Variants in CCDC88A observed in about 807,000 individuals in gnomAD.
CCDC88A encodes the protein coiled-coil and HOOK domain protein 88A, also known as girdin.
CCDC88A carries 54 observed loss-of-function variants against 234.3 expected under a neutral mutation model. The observed-to-expected ratio is 0.23, with a 90% CI of 0.19 to 0.29. CCDC88A has a LOEUF of 0.29. CCDC88A is among the 10% of genes least tolerant of loss of function. CCDC88A has a pLI of 1.00. For missense variants in CCDC88A, 1,832 were observed against 2,123.4 expected (o/e 0.86, Z 2.70); for synonymous variants, 753 against 737.8 (o/e 1.02, Z -0.33).
Position 55,299,861 on chromosome 2 carries a change from A to T in CCDC88A, c.4803T>A (p.Asn1601Lys). The T allele has an allele frequency of 6.2e-7, 1 of 1,612,856 alleles. No individual in the cohort carries two copies. Among genetic ancestry groups the T allele is most frequent in the East Asian group, 2.2e-5 (1 of 44,824 alleles). ...GRTSTSNSNN[N>K]ASLHEVKAGA... ...TACCTTTGACTTCATGTAGTGAAGC[A>T]TTATTATTGCTATTGCTAGTGGATG... The change falls in exon 29 of 33, where the codon AAT (asparagine) becomes AAA (lysine). Residue 1601 changes from asparagine to lysine, a missense_variant. By Grantham distance (94) the Asn-to-Lys change is moderately conservative. Coordinates refer to ENST00000436346, the MANE Select transcript of CCDC88A (RefSeq NM_001365480.1).
chr2:55,298,108 A>C (rs543134645), intron 29 of CCDC88A, among the ~76,000 whole-genome samples: 1 of 152,276 alleles, frequency 6.6e-6, no homozygotes, highest in East Asian at 1.9e-4. Flanking sequence ...AACTCCCTCA[A>C]ATCTATGGTG....
At chr2:55,347,730 G>T (rs913650025) in intron 9 of CCDC88A, among the ~76,000 whole-genome samples, 1 of 146,916 alleles carries the variant, frequency 6.8e-6, no homozygotes, top group Non-Finnish European at 1.5e-5. Context: ...TTGTGCCTCC[G>T]CCTCCCAAGT....
At chr2:55,418,522 C>A in intron 2 of CCDC88A, 1 of 350,504 alleles carries the variant, frequency 2.9e-6, no homozygotes, top group East Asian at 4.5e-5. Flanking sequence ...TCTTATTTTA[C>A]CAAATTATCA....
rs1680945078 is a variant in CCDC88A, at chr2:55,301,932, T to G, written c.4612A>C (p.Asn1538His). 1 of 1,614,080 alleles carries G rather than the reference T, an allele frequency of 6.2e-7. No individual in the cohort carries two copies. The stretch of plus-strand genomic sequence containing the variant: ...GCAGAAGAGTTGACAGTTGAAAAGT[T>G]GATGGCTGTAGTAGAGAAGGCCATA... ...GAMAFSTTAI[N>H]FSTVNSSAGF... Residue 1538 changes from asparagine to histidine, a missense_variant, in exon 27 of 33, where the codon AAC (asparagine) becomes CAC (histidine). By Grantham distance (68) the Asn-to-His change is moderately conservative. This residue lies in a region of CCDC88A where 422 missense variants were observed against 416.5 expected (regional missense o/e 1.01). Transcript: ENST00000436346.
chr2:55,381,368 C>A (rs944560304), intron 3 of CCDC88A, among the ~76,000 whole-genome samples: 1 of 151,782 alleles, frequency 6.6e-6, no homozygotes, highest in Non-Finnish European at 1.5e-5. Flanking sequence ...GGCAACATGG[C>A]AAAACCCTGT....
Position 55,303,088 on chromosome 2 carries a change from G to A in CCDC88A, c.4452C>T (p.Ala1484=). The A allele has an allele frequency of 6.4e-7, 1 of 1,550,678 alleles. No individual in the cohort carries two copies. The part of the protein sequence containing the change: ...NRPKDKDKMK[A]CYRRSMSMND... The stretch of plus-strand genomic sequence containing the variant: ...TCTTACACATGGAACGACGGTAGCA[G>A]GCCTTCATTTTGTCTTTATCCTTCG... The change falls in exon 26 of 33, where the codon GCC becomes GCT. Residue 1484 remains alanine (A), a synonymous_variant. Coordinates refer to ENST00000436346, the MANE Select transcript of CCDC88A (RefSeq NM_001365480.1).
At position 55,351,356 on chromosome 2, in the gene CCDC88A, T is replaced by C. The variant is rs541657127; in HGVS notation, c.801-1757A>G. On this transcript the variant is annotated intron_variant, in intron 8 of 32. Transcript: ENST00000436346. ...TAGAATTTTTTTCAGGTTTTTTTTT[T>C]CCTCCATTTGAGACAGAGTCTGACT... 6.6e-5 allele frequency among the ~76,000 whole-genome samples: 10 copies of C among 151,998 alleles called. No homozygotes were observed. The South Asian group carries it at 8.3e-4, about 13-fold the overall frequency.
chr2:55,334,950 C>G lies in CCDC88A; in HGVS notation c.1871G>C (p.Gly624Ala), dbSNP rs776770353. The G allele has an allele frequency of 4.9e-5, 77 of 1,565,220 alleles. No homozygotes were observed. The East Asian group carries it at 1.7e-3, about 34-fold the overall frequency. Residue 624 changes from glycine to alanine, a missense_variant, in exon 15 of 33, where the codon GGA (glycine) becomes GCA (alanine). By Grantham distance (60) the Gly-to-Ala change is moderately conservative. Around this residue, in one of 6 missense-constraint regions of CCDC88A, gnomAD observed 1,282 missense variants for 1,543.6 expected, o/e 0.83. Coordinates refer to ENST00000436346, the MANE Select transcript of CCDC88A (RefSeq NM_001365480.1). The surrounding 1 kb of genome is among the most constrained non-coding windows in gnomAD (Gnocchi z 6.1). ...KKELEHYKEK[G>A]ERAEELENEL... ...ATTTTCAAGTTCTTCAGCTCGTTCTCCTTTTTCTTTATAATGTTCCAATTC... is the reference window on the plus strand; with the variant it reads ...ATTTTCAAGTTCTTCAGCTCGTTCTGCTTTTTCTTTATAATGTTCCAATTC...
chr2:55,396,875 A>C (rs1219120635), intron 2 of CCDC88A, among the ~76,000 whole-genome samples: 1 of 149,562 alleles, frequency 6.7e-6, no homozygotes, highest in Non-Finnish European at 1.5e-5. Context: ...ATCTCAAAAA[A>C]AAAAAAAAAA....
intron 3 of CCDC88A, among the ~76,000 whole-genome samples, chr2:55,386,847 G>C (rs1160209860): frequency 3.3e-5 from 5 of 151,994 alleles, no homozygotes; most frequent in African/African-American, 1.2e-4. Context: ...GGCATTTTCA[G>C]ACAAATATTC....
At chr2:55,410,759 T>G (rs1361131510) in intron 2 of CCDC88A, among the ~76,000 whole-genome samples, 1 of 151,906 alleles carries the variant, frequency 6.6e-6, no homozygotes, top group East Asian at 1.9e-4. Flanking sequence ...AAAAATTAGC[T>G]GGGCATGGTA....
chr2:55,372,517 T>C lies in CCDC88A; in HGVS notation c.344-7A>G, dbSNP rs375923964. On this transcript the variant is annotated splice_region_variant and splice_polypyrimidine_tract_variant and intron_variant, in intron 4 of 32. Coordinates refer to ENST00000436346, the MANE Select transcript of CCDC88A (RefSeq NM_001365480.1). ...ACTTCTTCTGTGCCTTGTTCTAAAA[T>C]AGAAACAATTATTAAGGACAACATT... The C allele has an allele frequency of 9.7e-5, 132 of 1,357,034 alleles. 1 individual carries two copies. The highest frequency in any genetic ancestry group is 1.3e-4 in the Non-Finnish European group (126 of 954,668). The allele number at this position is 1,357,034 out of a possible 1,614,324, so 84.1% of individuals were successfully genotyped here.
At chr2:55,409,454 G>A (rs1680104116) in intron 2 of CCDC88A, among the ~76,000 whole-genome samples, 1 of 152,094 alleles carries the variant, frequency 6.6e-6, no homozygotes, top group Non-Finnish European at 1.5e-5. Flanking sequence ...CCTTATCATG[G>A]CACAGATACC....
intron 3 of CCDC88A, among the ~76,000 whole-genome samples, chr2:55,383,704 A>G (rs941242037): frequency 1.3e-5 from 2 of 152,016 alleles, no homozygotes; most frequent in African/African-American, 4.8e-5. Context: ...TCAGGGGCAT[A>G]TGACATACAA....
intron 2 of CCDC88A, among the ~76,000 whole-genome samples, chr2:55,395,710 A>T (rs1677413834): frequency 6.6e-6 from 1 of 152,222 alleles, no homozygotes; most frequent in Non-Finnish European, 1.5e-5. Flanking sequence ...TACTTTCATT[A>T]AGCTGTGTCT....
At chr2:55,418,650 TGGGCTGAGCCC>T in intron 2 of CCDC88A, 155 bp downstream of exon 2, 1 of 610,762 alleles carries the variant, frequency 1.6e-6, no homozygotes, top group Non-Finnish European at 2.9e-6. Flanking sequence ...GTTGTGATAA[TGGGCTGAGCCC>T]ATAACATTAG....
chr2:55,416,558 C>T (rs552905157), intron 2 of CCDC88A, among the ~76,000 whole-genome samples: 4 of 141,892 alleles, frequency 2.8e-5, no homozygotes, highest in Non-Finnish European at 6.2e-5. Flanking sequence ...ACCCACAGAT[C>T]CAAGACACTC....
At chr2:55,418,540 C>G (rs902654147) in intron 2 of CCDC88A, 5 of 428,866 alleles carry the variant, frequency 1.2e-5, no homozygotes, top group African/African-American at 7.8e-5. Context: ...TCAAAGAATA[C>G]ACAATGTGGC....
At chr2:55,345,056 G>A (rs1169268370) in intron 10 of CCDC88A, among the ~76,000 whole-genome samples, 1 of 152,068 alleles carries the variant, frequency 6.6e-6, no homozygotes, top group African/African-American at 2.4e-5. Flanking sequence ...GAAGACAAGT[G>A]TTCACAATTC....
Sources: gnomAD v4.1 joint callset for allele counts (sites outside exome capture counted in the v4.1 genomes callset) on GRCh38, gnomAD v4.1.1 for gene constraint, gnomAD v4.1.1 regional missense constraint, Gnocchi (gnomAD v3.1) non-coding constraint, MANE v1.5 for transcripts, NCBI Gene and HGNC (gene_info 2026-07-23, HGNC 2026-07-21) for gene names.